RAPH1: variants seen among roughly 807,000 people sequenced by gnomAD.
RAPH1 encodes Ras association (RalGDS/AF-6) and pleckstrin homology domains 1.
A neutral mutation model predicts 88.1 loss-of-function variants in RAPH1; 18 were observed. The ratio of observed to expected loss-of-function variants is 0.20; its 90% CI spans 0.14 to 0.30. RAPH1 has a LOEUF of 0.30. Ranked by LOEUF, RAPH1 falls within the 10% of genes least tolerant of loss-of-function variation. The pLI, the probability that RAPH1 is intolerant of heterozygous loss-of-function variation, is 1.00. For missense variants in RAPH1, 1,448 were observed against 1,543.2 expected (o/e 0.94, Z 1.03); for synonymous variants, 587 against 559.0 (o/e 1.05, Z -0.71).
chr2:203,493,832 A>T (rs981631683), intron 2 of RAPH1, among the ~76,000 whole-genome samples: 1 of 151,858 alleles, frequency 6.6e-6, no homozygotes, highest in African/African-American at 2.4e-5. Flanking sequence ...CCAGCTGGGC[A>T]TGGTGGCGCA....
chr2:203,440,263 T>C lies in RAPH1; in HGVS notation c.2927A>G (p.Gln976Arg). The C allele has an allele frequency of 1.2e-6, 2 of 1,613,802 alleles. No individual in the cohort carries two copies. Among genetic ancestry groups the C allele is most frequent in the Non-Finnish European group, 1.7e-6 (2 of 1,179,932 alleles). The change falls in exon 14 of 14, where the codon CAG becomes CGG. Residue 976 changes from glutamine (Q) to arginine (R), a missense_variant. Gln to Arg is a conservative substitution (Grantham distance 43, BLOSUM62 1). Transcript: ENST00000319170. ...GCTGGATTTAATGCTGGAGTTGCGC[T>C]GTGGGGTTGGGGGTGGTTTCTTTCC... is the stretch of plus-strand genomic sequence containing the variant. ...PGGKKPPPTP[Q>R]RNSSIKSSSG...
chr2:203,476,423 G>A (rs1044039994), intron 4 of RAPH1, among the ~76,000 whole-genome samples: 11 of 151,876 alleles, frequency 7.2e-5, no homozygotes, highest in African/African-American at 2.4e-4. Context: ...TGCCCACCTC[G>A]GCCTCCCAAA....
At chr2:203,461,545 A>C in intron 5 of RAPH1, 137 bp from the exon 6 acceptor site, 1 of 602,964 alleles carries the variant, frequency 1.7e-6, no homozygotes, top group Non-Finnish European at 2.6e-6. Context: ...TCATTATGCA[A>C]AAATATAGGC....
intron 1 of RAPH1, among the ~76,000 whole-genome samples, chr2:203,517,386 CAGAA>C (rs1199328281): frequency 1.0e-5 from 1 of 99,976 alleles, no homozygotes; most frequent in East Asian, 3.0e-4. Context: ...AAAAAAAAGA[CAGAA>C]AAGAAAGAAA....
At chr2:203,490,904 T>C (rs1688229718) in intron 3 of RAPH1, among the ~76,000 whole-genome samples, 2 of 151,174 alleles carry the variant, frequency 1.3e-5, no homozygotes, top group Non-Finnish European at 2.9e-5. Context: ...ATTAGCCAAG[T>C]GTGGTTGTGC....
At chr2:203,481,906 G>A (rs1687746553) in intron 4 of RAPH1, among the ~76,000 whole-genome samples, 1 of 150,610 alleles carries the variant, frequency 6.6e-6, no homozygotes, top group African/African-American at 2.4e-5. Flanking sequence ...CAGGCCACAT[G>A]AATATATTTC....
chr2:203,439,479 G>C lies in RAPH1; in HGVS notation c.3711C>G (p.Pro1237=). 6.2e-7 allele frequency: 1 copy of C among 1,613,978 alleles called. No homozygotes were observed. Among genetic ancestry groups the C allele is most frequent in the Non-Finnish European group, 8.5e-7 (1 of 1,180,012 alleles). Residue 1237 remains proline, a synonymous_variant, in exon 14 of 14, where the codon CCC becomes CCG. Transcript: ENST00000319170. ...GCTTGGTGTTCTGGTCTCTTTTGGG[G>C]GGAGCAGGAGGGGGTCCTCTCCGCA... ...ATLRRGPPPA[P]PKRDQNTKLS...
At position 203,489,821 on chromosome 2, in the gene RAPH1, C is replaced by G. The variant is rs1218029782; in HGVS notation, c.495G>C (p.Leu165Phe). ...ATTGCTGAGCAGCCTCATCCATACT[C>G]AAAGAGGCCTGTTCTAACTGTGCAG... ...DVTAQLEQAS[L>F]SMDEAAQQSV... The change falls in exon 4 of 14, where the codon TTG becomes TTC. Residue 165 changes from leucine (L) to phenylalanine (F), a missense_variant. Leu to Phe is a conservative substitution (Grantham distance 22, BLOSUM62 0). Coordinates refer to ENST00000319170, the MANE Select transcript of RAPH1 (RefSeq NM_213589.3). 4 of 1,614,096 alleles carry G rather than the reference C, an allele frequency of 2.5e-6. No individual in the cohort carries two copies. Among genetic ancestry groups the G allele is most frequent in the Non-Finnish European group, 3.4e-6 (4 of 1,180,050 alleles).
intron 1 of RAPH1, among the ~76,000 whole-genome samples, chr2:203,507,762 T>C (rs1689151729): frequency 6.6e-6 from 1 of 152,178 alleles, no homozygotes; most frequent in African/African-American, 2.4e-5. Context: ...GACTGGATCT[T>C]AGACCCAGGG....
In RAPH1 at chr2:203,530,540, A is replaced by G. The variant is rs528523470; in HGVS notation, c.-1+4571T>C. ...CTTTATTCTTAGGAATTTCTGCCCCATCGCACCCCCAAAATTAGCCACGTA... is the reference window on the plus strand; with the variant it reads ...CTTTATTCTTAGGAATTTCTGCCCCGTCGCACCCCCAAAATTAGCCACGTA... On this transcript the variant is annotated intron_variant, in intron 1 of 13. Transcript: ENST00000319170. Among the ~76,000 whole-genome samples the G allele has an allele frequency of 7.2e-5, 11 of 152,298 alleles. No individual in the cohort carries two copies. The South Asian group carries it at 2.3e-3, about 32-fold the overall frequency.
chr2:203,520,837 AAC>A (rs1448886783), intron 1 of RAPH1, among the ~76,000 whole-genome samples: 2 of 152,144 alleles, frequency 1.3e-5, no homozygotes, highest in Non-Finnish European at 2.9e-5. Context: ...CCATTTGAAA[AAC>A]ACATATCTTG....
chr2:203,501,175 A>C (rs953575519), intron 1 of RAPH1, among the ~76,000 whole-genome samples: 3 of 152,206 alleles, frequency 2.0e-5, no homozygotes, highest in Non-Finnish European at 2.9e-5. Flanking sequence ...TAAATTTAGT[A>C]AGGCACAAAA....
chr2:203,438,157 C>A lies in RAPH1; in HGVS notation c.*1280G>T. Reference sequence around the variant, plus strand: ...AACACCTAGTAACCTGAACTAATCACAACCAGGCTGCAGTCAGCAAGGGTC... The same window carrying A: ...AACACCTAGTAACCTGAACTAATCAAAACCAGGCTGCAGTCAGCAAGGGTC... On this transcript the variant is annotated 3_prime_UTR_variant, in exon 14 of 14. Transcript: ENST00000319170. 1.9e-6 allele frequency: 1 copy of A among 518,848 alleles called. No homozygotes were observed. Among genetic ancestry groups the A allele is most frequent in the South Asian group, 1.4e-5 (1 of 71,468 alleles). The allele number at this position is 518,848 out of a possible 1,614,324, so 32.1% of individuals were successfully genotyped here.
intron 4 of RAPH1, among the ~76,000 whole-genome samples, chr2:203,471,285 C>A (rs2098532847): frequency 6.6e-6 from 1 of 152,082 alleles, no homozygotes; most frequent in East Asian, 1.9e-4. Context: ...TTAAGTTATT[C>A]TTGGAAATTC....
At chr2:203,460,525 T>C (rs534730969) in intron 6 of RAPH1, among the ~76,000 whole-genome samples, 3 of 152,324 alleles carry the variant, frequency 2.0e-5, no homozygotes, top group Admixed American at 6.5e-5. Context: ...GAACACGTTC[T>C]AGATATGGAT....
Position 203,454,559 on chromosome 2 carries a change from A to G in RAPH1, c.1303-19T>C, listed in dbSNP as rs749905072. The G allele has an allele frequency of 7.7e-6, 12 of 1,561,876 alleles. No homozygotes were observed. In the South Asian group the frequency reaches 1.2e-4, roughly 16 times the overall value. ...GAGAGACCTAAGATAAAAACACCAA[A>G]AAGATAAAATTAATAATAATGCACA... is the stretch of plus-strand genomic sequence containing the variant. On this transcript the variant is annotated intron_variant, in intron 9 of 13. Coordinates refer to ENST00000319170, the MANE Select transcript of RAPH1 (RefSeq NM_213589.3).
chr2:203,474,147 G>A (rs2098535422), intron 4 of RAPH1, among the ~76,000 whole-genome samples: 1 of 152,202 alleles, frequency 6.6e-6, no homozygotes. Context: ...CGCAGTGTGA[G>A]GGAGTGTGGC....
In RAPH1 at chr2:203,439,529, T is replaced by TGC; in HGVS notation, c.3659_3660dup (p.Ser1221AlafsTer40). On this transcript the variant is annotated frameshift_variant, in exon 14 of 14. Coordinates refer to ENST00000319170, the MANE Select transcript of RAPH1 (RefSeq NM_213589.3). LOFTEE classifies it high-confidence loss of function. ...AACGTTGCATAGCCTGATATATGAC[T>TGC]GCCTCCGTAACCAGCCTTCTGTTGA... 2 of 1,614,142 alleles carry TGC rather than the reference T, an allele frequency of 1.2e-6. No individual in the cohort carries two copies. Among genetic ancestry groups the TGC allele is most frequent in the Non-Finnish European group, 1.7e-6 (2 of 1,180,020 alleles).
At chr2:203,512,355 C>A (rs79592317) in intron 1 of RAPH1, among the ~76,000 whole-genome samples, 989 of 102,644 alleles carry the variant, frequency 9.6e-3, no homozygotes, top group Admixed American at 0.015. Context: ...GACTCTGTCT[C>A]AAAAAAAAAA....
Sources: allele counts gnomAD v4.1 joint callset (sites outside exome capture counted in the v4.1 genomes callset), GRCh38; gene constraint gnomAD v4.1.1; transcripts MANE v1.5; gene names NCBI Gene and HGNC (gene_info 2026-07-23, HGNC 2026-07-21).